Variants in HSD11B1 observed in about 807,000 individuals in gnomAD.
The protein encoded by HSD11B1 is 11-beta-hydroxysteroid dehydrogenase 1.
A neutral mutation model predicts 22.1 loss-of-function variants in HSD11B1; 15 were observed. The observed-to-expected ratio is 0.68, with a 90% confidence interval of 0.45 to 1.04. The LOEUF (loss-of-function observed/expected upper bound fraction) is 1.04, where lower values mean the gene tolerates loss of function less well. Ranked by LOEUF, HSD11B1 falls within the 50% of genes least tolerant of loss-of-function variation. HSD11B1 has a pLI of 0.00. For synonymous variants in HSD11B1, 122 were observed against 125.2 expected, an observed-to-expected ratio of 0.97 and a Z score of 0.17; for missense variants, 281 against 357.6, an observed-to-expected ratio of 0.79 and a Z score of 1.73.
chr1:209,696,198 G>C (rs899821073), intron 1 of HSD11B1, among the ~76,000 whole-genome samples: 7 of 152,180 alleles, frequency 4.6e-5, no homozygotes, highest in Admixed American at 1.3e-4. Flanking sequence ...GGCTGGGGGT[G>C]GAAACAGGGA....
chr1:209,723,048 A>C (rs1197540690), intron 4 of HSD11B1, among the ~76,000 whole-genome samples: 1 of 152,074 alleles, frequency 6.6e-6, no homozygotes, highest in East Asian at 1.9e-4. Context: ...GAGTCCCCGC[A>C]TTTCTGGGAC....
Position 209,692,076 on chromosome 1 carries a change from A to T in HSD11B1, c.-49+5791A>T, listed in dbSNP as rs1443549348. ...AATAAATGTAAAAACTAGTTTATTT[A>T]AAAAAAAAAAAAAAGGAAATGGCTC... On this transcript the variant is annotated intron_variant, in intron 1 of 6. Coordinates refer to the HSD11B1 transcript ENST00000261465. Among the ~76,000 whole-genome samples the T allele has an allele frequency of 1.3e-4, 17 of 134,466 alleles. No homozygotes were observed. In the East Asian group the frequency reaches 2.5e-3, roughly 20 times the overall value. The allele number at this position is 134,466 out of a possible 152,430, so 88.2% of individuals were successfully genotyped here.
intron 1 of HSD11B1, among the ~76,000 whole-genome samples, chr1:209,705,385 A>AC (rs1424988910): frequency 2.0e-5 from 3 of 152,020 alleles, no homozygotes; most frequent in South Asian, 4.1e-4. Flanking sequence ...AAAAAAAAAA[A>AC]AAAAAAACTG....
intron 1 of HSD11B1, among the ~76,000 whole-genome samples, chr1:209,693,150 C>T (rs144906666): frequency 4.5e-4 from 69 of 152,286 alleles, no homozygotes; most frequent in African/African-American, 1.5e-3. Context: ...AATTCTCGTT[C>T]AGTTCCCTAT....
rs1335378265 is a variant in HSD11B1, at chr1:209,706,572, C to T, written c.220-137C>T. The T allele has an allele frequency of 1.3e-6, 1 of 756,096 alleles. No homozygotes were observed. Among genetic ancestry groups the T allele is most frequent in the Non-Finnish European group, 2.4e-6 (1 of 412,164 alleles). 46.8% of individuals were successfully genotyped at this position (756,096 alleles called of 1,614,324 possible). On this transcript the variant is annotated intron_variant, in intron 2 of 5. Transcript: ENST00000367027. This position sits in a 1 kb window ranked among gnomAD's most constrained non-coding sequence, Gnocchi z 4.0. Reference sequence around the variant, plus strand: ...ATCATGAGGGTTATATTAGGCAACACACACACAAACATACTTACCATTTCT... The same window carrying T: ...ATCATGAGGGTTATATTAGGCAACATACACACAAACATACTTACCATTTCT...
chr1:209,696,009 C>T (rs1003318497), intron 1 of HSD11B1, among the ~76,000 whole-genome samples: 1 of 152,156 alleles, frequency 6.6e-6, no homozygotes, highest in Non-Finnish European at 1.5e-5. Flanking sequence ...AAATGTGGTA[C>T]ATCCATACAA....
intron 4 of HSD11B1, among the ~76,000 whole-genome samples, chr1:209,727,976 C>T (rs1300743070): frequency 2.0e-5 from 3 of 152,184 alleles, no homozygotes; most frequent in Admixed American, 6.5e-5. Flanking sequence ...GATGTGTGTT[C>T]AAGCCAGTGT....
chr1:209,686,478 T>A (rs1558183248), intron 1 of HSD11B1, among the ~76,000 whole-genome samples: 2 of 152,146 alleles, frequency 1.3e-5, no homozygotes, highest in African/African-American at 4.8e-5. Context: ...CCGATGAGCT[T>A]TCAAATGTGT....
In HSD11B1 at chr1:209,706,466, G is replaced by T. The variant is rs1375529092; in HGVS notation, c.220-243G>T. ...CACAGAAGCCATGAGCATAAATCAT[G>T]AACTTAAACCCCAGCACTGGGATGA... On this transcript the variant is annotated intron_variant, in intron 2 of 5. Transcript: ENST00000367027. The surrounding 1 kb of genome is among the most constrained non-coding windows in gnomAD (Gnocchi z 4.0). Among the ~76,000 whole-genome samples, 1 of 152,096 alleles carries T rather than the reference G, an allele frequency of 6.6e-6. No homozygotes were observed. The highest frequency in any genetic ancestry group is 2.4e-5 in the African/African-American group (1 of 41,412).
At chr1:209,691,372 A>T (rs1360431062) in intron 1 of HSD11B1, among the ~76,000 whole-genome samples, 2 of 152,242 alleles carry the variant, frequency 1.3e-5, no homozygotes, top group Admixed American at 1.3e-4. Context: ...AAGGTCTCAA[A>T]ACATTTCCTT....
chr1:209,688,090 C>T (rs761901678), intron 1 of HSD11B1, among the ~76,000 whole-genome samples: 1 of 152,238 alleles, frequency 6.6e-6, no homozygotes, highest in Non-Finnish European at 1.5e-5. Flanking sequence ...GGATCAGGCT[C>T]TGGAGAGACA....
At chr1:209,698,864 T>C (rs1041861173) in intron 1 of HSD11B1, among the ~76,000 whole-genome samples, 1 of 152,200 alleles carries the variant, frequency 6.6e-6, no homozygotes, top group Non-Finnish European at 1.5e-5. Context: ...AGAAGGCCCT[T>C]GGCTCTCCCA....
intron 1 of HSD11B1, among the ~76,000 whole-genome samples, chr1:209,697,883 C>CTTTTTTTTTTTTTT (rs1558187212): frequency 2.7e-4 from 6 of 21,938 alleles, no homozygotes; most frequent in African/African-American, 4.2e-4. Flanking sequence ...TTTGTTTTTT[C>CTTTTTTTTTTTTTT]CTTTTTTTTT....
chr1:209,726,470 G>A (rs532913447), intron 4 of HSD11B1, among the ~76,000 whole-genome samples: 2 of 152,192 alleles, frequency 1.3e-5, no homozygotes, highest in Admixed American at 1.3e-4. Context: ...GCCAAGCACA[G>A]TGGCATGCAT....
chr1:209,697,884 C>CTTTTTT lies in HSD11B1; in HGVS notation c.-48-6986_-48-6981dup, dbSNP rs988076432. ...GAATGATTAATGGTTTTGTTTTTTC[C>CTTTTTT]TTTTTTTTTTTTTTTTTTTTTTTTT... On this transcript the variant is annotated intron_variant, in intron 1 of 6. Coordinates refer to the HSD11B1 transcript ENST00000261465. Among the ~76,000 whole-genome samples, 108 of 41,604 alleles carry CTTTTTT rather than the reference C, an allele frequency of 2.6e-3. 11 individuals carry two copies. The highest frequency in any genetic ancestry group is 4.9e-3 in the African/African-American group (62 of 12,562). The allele number at this position is 41,604 out of a possible 152,430, so 27.3% of individuals were successfully genotyped here.
rs5780533 is a variant in HSD11B1, at chr1:209,705,372, CAA to C, written c.88+361_88+362del. Among the ~76,000 whole-genome samples the C allele has an allele frequency of 5.6e-3, 465 of 83,014 alleles. 4 individuals carry two copies. The highest frequency in any genetic ancestry group is 0.016 in the African/African-American group (418 of 25,346). 54.5% of individuals were successfully genotyped at this position (83,014 alleles called of 152,430 possible). On this transcript the variant is annotated intron_variant, in intron 1 of 5. Coordinates refer to ENST00000367027, the MANE Select transcript of HSD11B1 (RefSeq NM_005525.4). Reference sequence around the variant, plus strand: ...TATGAAGAGACTGATAAGTGGGAGGCAAAAAAAAAAAAAAAAAAAACTGGAGA... The same window carrying C: ...TATGAAGAGACTGATAAGTGGGAGGCAAAAAAAAAAAAAAAAAACTGGAGA...
intron 4 of HSD11B1, among the ~76,000 whole-genome samples, chr1:209,716,256 A>G (rs12090931): frequency 0.19 from 29,578 of 151,848 alleles, 2,928 homozygotes; most frequent in East Asian, 0.22. Context: ...CAAAATCAAC[A>G]TACAAAAATC....
intron 4 of HSD11B1, among the ~76,000 whole-genome samples, chr1:209,731,207 T>C (rs145818118): frequency 6.6e-6 from 1 of 152,158 alleles, no homozygotes; most frequent in African/African-American, 2.4e-5. Context: ...GCATGGGCAA[T>C]GCAGAAACCA....
At chr1:209,729,186 C>G (rs750344304) in intron 4 of HSD11B1, among the ~76,000 whole-genome samples, 1 of 152,084 alleles carries the variant, frequency 6.6e-6, no homozygotes, top group African/African-American at 2.4e-5. Context: ...TGGTGAAACC[C>G]TGTTTCTACT....
Sources: gnomAD v4.1 joint callset for allele counts (sites outside exome capture counted in the v4.1 genomes callset) on GRCh38, gnomAD v4.1.1 for gene constraint, Gnocchi (gnomAD v3.1) non-coding constraint, MANE v1.5 for transcripts, NCBI Gene and HGNC (gene_info 2026-07-23, HGNC 2026-07-21) for gene names.